LANCL3: variants seen among roughly 807,000 people sequenced by gnomAD.
The protein encoded by LANCL3 is LanC like family member 3.
LANCL3 carries 19 observed loss-of-function variants against 26.5 expected under a neutral mutation model. The ratio of observed to expected loss-of-function variants is 0.72; its 90% CI spans 0.50 to 1.05. The LOEUF (loss-of-function observed/expected upper bound fraction) is 1.05. LANCL3 is among the 50% of genes least tolerant of loss of function. The probability of loss-of-function intolerance (pLI) is 0.00; values close to 1 mark genes in which losing one functional copy is unlikely to be tolerated. For synonymous variants in LANCL3, 160 were observed against 166.6 expected, an observed-to-expected ratio of 0.96 and a Z score of 0.30; for missense variants, 318 against 362.7, an observed-to-expected ratio of 0.88 and a Z score of 1.00.
At chrX:37,617,398 T>G (rs1925038697) in intron 1 of LANCL3, among the ~76,000 whole-genome samples, 1 of 111,659 alleles carries the variant, frequency 9.0e-6, no homozygotes, top group African/African-American at 3.3e-5. Flanking sequence ...TCTTGCTTTC[T>G]GCCTTATGAT....
At chrX:37,617,409 C>A (rs1925039152) in intron 1 of LANCL3, among the ~76,000 whole-genome samples, 1 of 111,488 alleles carries the variant, frequency 9.0e-6, no homozygotes, top group Non-Finnish European at 1.9e-5. Flanking sequence ...GCCTTATGAT[C>A]AATCATAAGA....
rs782651212 is a variant in LANCL3, at chrX:37,572,012, G to A, written c.142G>A (p.Gly48Ser). The change falls in exon 1 of 5, where the codon GGC (glycine) becomes AGC (serine). Residue 48 changes from glycine to serine, a missense_variant. Gly to Ser is a moderately conservative substitution (Grantham distance 56). Transcript: ENST00000378619. Reference sequence around the variant, plus strand: ...CCAGGAGCTTCCCCCACTCGGGGGCGGCGCGGAGGCCCGAGGGGCGACGGC... The same window carrying A: ...CCAGGAGCTTCCCCCACTCGGGGGCAGCGCGGAGGCCCGAGGGGCGACGGC... ...ILQELPPLGG[G>S]AEARGATAGA... 26 of 1,186,595 alleles carry A rather than the reference G, an allele frequency of 2.2e-5. No homozygotes were observed. The highest frequency in any genetic ancestry group is 2.8e-5 in the Non-Finnish European group (25 of 882,829).
In LANCL3 at chrX:37,634,541, G is replaced by A. The variant is rs1369176168; in HGVS notation, c.574-21147G>A. Among the ~76,000 whole-genome samples, 8 of 112,688 alleles carry A rather than the reference G, an allele frequency of 7.1e-5. No homozygotes were observed. In the South Asian group the frequency reaches 1.8e-3, roughly 26 times the overall value. ...ATCACCCATCTTCTGCGTCGCTCGC[G>A]CTGGGAGCTGTAGACCGGAGCTGTT... On this transcript the variant is annotated intron_variant, in intron 1 of 4. Coordinates refer to ENST00000378619, the MANE Select transcript of LANCL3 (RefSeq NM_001170331.2).
chrX:37,611,226 T>G (rs1243543383), intron 1 of LANCL3, among the ~76,000 whole-genome samples: 2 of 112,064 alleles, frequency 1.8e-5, no homozygotes, highest in Non-Finnish European at 3.8e-5. Context: ...TTAGGCAGAT[T>G]GAACAAATCT....
intron 1 of LANCL3, among the ~76,000 whole-genome samples, chrX:37,630,637 T>A (rs1199742966): frequency 1.8e-5 from 2 of 110,241 alleles, no homozygotes; most frequent in African/African-American, 3.3e-5. Flanking sequence ...CAATACCTAA[T>A]TTATTGAGAG....
chrX:37,650,284 C>T (rs1333969833), intron 1 of LANCL3, among the ~76,000 whole-genome samples: 2 of 97,096 alleles, frequency 2.1e-5, no homozygotes, highest in Admixed American at 2.3e-4. Context: ...GCCTGGGTGA[C>T]TGAGTGAAAC....
At chrX:37,628,915 C>T (rs1331608282) in intron 1 of LANCL3, among the ~76,000 whole-genome samples, 1 of 110,631 alleles carries the variant, frequency 9.0e-6, no homozygotes, top group East Asian at 2.8e-4. Flanking sequence ...CATACGTGTG[C>T]ATGTGTCGTT....
chrX:37,571,948 G>C lies in LANCL3; in HGVS notation c.78G>C (p.Ala26=). The C allele has an allele frequency of 3.3e-6, 4 of 1,205,434 alleles. No individual in the cohort carries two copies. Among genetic ancestry groups the C allele is most frequent in the Non-Finnish European group, 4.5e-6 (4 of 893,055 alleles). ...TGCTGGCGGGCCAGTGTGAGGAGGC[G>C]GTGGCGCCCTTGGTCACCGCCACCA... The part of the protein sequence containing the change: ...GSLLAGQCEE[A]VAPLVTATIE... The change falls in exon 1 of 5, where the codon GCG becomes GCC. Residue 26 remains alanine (A), a synonymous_variant. Coordinates refer to ENST00000378619, the MANE Select transcript of LANCL3 (RefSeq NM_001170331.2).
intron 3 of LANCL3, 22 bp downstream of exon 3, chrX:37,659,681 A>G (rs781819445): frequency 8.4e-6 from 10 of 1,188,370 alleles, no homozygotes; most frequent in Non-Finnish European, 1.1e-5. Context: ...TCTGTTACCT[A>G]AAAATATTGC....
chrX:37,630,771 T>A (rs1983852993), intron 1 of LANCL3, among the ~76,000 whole-genome samples: 1 of 110,304 alleles, frequency 9.1e-6, no homozygotes, highest in Non-Finnish European at 1.9e-5. Context: ...TTGCGTATAT[T>A]GAACCAGCCT....
intron 1 of LANCL3, among the ~76,000 whole-genome samples, chrX:37,592,794 G>T (rs1277218143): frequency 9.0e-6 from 1 of 110,611 alleles, no homozygotes; most frequent in Non-Finnish European, 1.9e-5. Context: ...AGTGAAAGAG[G>T]AAAATTATGA....
intron 4 of LANCL3, 137 bp from the exon 5 acceptor site, chrX:37,675,517 T>TG: frequency 3.0e-6 from 1 of 338,652 alleles, no homozygotes; most frequent in East Asian, 4.4e-5. Flanking sequence ...AGAGAAAATG[T>TG]GTTTCTTAAA....
At chrX:37,667,537 A>G (rs782516996) in intron 4 of LANCL3, 48 bp downstream of exon 4, 8 of 908,562 alleles carry the variant, frequency 8.8e-6, no homozygotes, top group Non-Finnish European at 1.2e-5. Flanking sequence ...TTTTAATCTA[A>G]TTATTTTTCT....
chrX:37,666,978 G>A (rs782346531), intron 3 of LANCL3, among the ~76,000 whole-genome samples: 2 of 111,731 alleles, frequency 1.8e-5, no homozygotes, highest in African/African-American at 3.3e-5. Context: ...ATCTATGTAC[G>A]TCAATAAAAA....
intron 1 of LANCL3, among the ~76,000 whole-genome samples, chrX:37,637,051 A>C (rs1233883109): frequency 2.0e-4 from 22 of 111,893 alleles, no homozygotes; most frequent in African/African-American, 7.1e-4. Context: ...GCCTTGACCA[A>C]TTATCTCCAC....
chrX:37,601,658 G>A (rs782454409), intron 1 of LANCL3, among the ~76,000 whole-genome samples: 102 of 111,842 alleles, frequency 9.1e-4, no homozygotes, highest in African/African-American at 3.1e-3. Flanking sequence ...CAGTGTCTCT[G>A]GACTTCATTG....
chrX:37,592,360 A>G (rs782278201), intron 1 of LANCL3, among the ~76,000 whole-genome samples: 26 of 112,635 alleles, frequency 2.3e-4, no homozygotes, highest in East Asian at 5.6e-4. Flanking sequence ...ACTTTTTAGG[A>G]TGAAACTGTT....
chrX:37,610,099 C>T (rs781915583), intron 1 of LANCL3, among the ~76,000 whole-genome samples: 109 of 111,782 alleles, frequency 9.8e-4, no homozygotes, highest in African/African-American at 3.2e-3. Flanking sequence ...TGTTGTTAGC[C>T]GAGGGGCTCA....
intron 1 of LANCL3, among the ~76,000 whole-genome samples, chrX:37,642,923 A>G (rs943500544): frequency 8.9e-6 from 1 of 112,525 alleles, no homozygotes; most frequent in African/African-American, 3.2e-5. Context: ...ACAATAAGCA[A>G]CTATTCATCC....
Sources: gnomAD v4.1 joint callset for allele counts (sites outside exome capture counted in the v4.1 genomes callset) on GRCh38, gnomAD v4.1.1 for gene constraint, MANE v1.5 for transcripts, NCBI Gene and HGNC (gene_info 2026-07-23, HGNC 2026-07-21) for gene names.